MCTP1: variants seen among roughly 807,000 people sequenced by gnomAD.
The protein encoded by MCTP1 is multiple C2 and transmembrane domain-containing protein 1.
MCTP1 carries 69 observed loss-of-function variants against 120.6 expected under a neutral mutation model. The ratio of observed to expected loss-of-function variants is 0.57; its 90% CI spans 0.47 to 0.70. The LOEUF (loss-of-function observed/expected upper bound fraction) is 0.70. Ranked by LOEUF, MCTP1 falls within the 30% of genes least tolerant of loss-of-function variation. The pLI is 0.00. For missense variants in MCTP1, 1,203 were observed against 1,248.8 expected, an observed-to-expected ratio of 0.96 and a Z score of 0.55; for synonymous variants, 529 against 493.1, an observed-to-expected ratio of 1.07 and a Z score of -0.96.
chr5:94,931,784 G>A (rs1423291291), intron 6 of MCTP1, 169 bp downstream of exon 6: 1 of 634,054 alleles, frequency 1.6e-6, no homozygotes, highest in Non-Finnish European at 2.8e-6. Flanking sequence ...TGATCGGTGT[G>A]ATTTCTATTT....
At chr5:94,930,209 T>A (rs1282937646) in intron 6 of MCTP1, among the ~76,000 whole-genome samples, 1 of 151,018 alleles carries the variant, frequency 6.6e-6, no homozygotes, top group Non-Finnish European at 1.5e-5. Context: ...TTTACTTAAT[T>A]TATGTTTAAA....
chr5:94,920,914 C>T (rs1358037534), intron 7 of MCTP1, among the ~76,000 whole-genome samples: 3 of 152,028 alleles, frequency 2.0e-5, no homozygotes, highest in Admixed American at 2.0e-4. Flanking sequence ...ATGTACTCTC[C>T]TTTGCCCATT....
intron 20 of MCTP1, among the ~76,000 whole-genome samples, chr5:94,712,094 CAAG>C (rs993136096): frequency 6.6e-6 from 1 of 152,098 alleles, no homozygotes; most frequent in African/African-American, 2.4e-5. Context: ...GCATGAGAGC[CAAG>C]AAGTTAGCAG....
intron 2 of MCTP1, among the ~76,000 whole-genome samples, chr5:95,000,603 G>A (rs760471348): frequency 1.3e-5 from 2 of 152,054 alleles, no homozygotes; most frequent in Non-Finnish European, 2.9e-5. Context: ...AAAGAAAAAA[G>A]TTGATGGAAT....
chr5:94,801,017 A>C (rs1214078456), intron 17 of MCTP1, among the ~76,000 whole-genome samples: 1 of 152,060 alleles, frequency 6.6e-6, no homozygotes, highest in African/African-American at 2.4e-5. Context: ...TGATTATTAA[A>C]ATATATTTTA....
chr5:94,835,755 G>A (rs532251313), intron 17 of MCTP1, among the ~76,000 whole-genome samples: 10 of 152,218 alleles, frequency 6.6e-5, no homozygotes, highest in Non-Finnish European at 1.2e-4. Context: ...CTGTAATCCC[G>A]GCACTTTGGG....
chr5:95,058,268 C>T (rs188168159), intron 1 of MCTP1, among the ~76,000 whole-genome samples: 3 of 152,274 alleles, frequency 2.0e-5, no homozygotes, highest in African/African-American at 7.2e-5. Context: ...AGAAATACTG[C>T]AGAAGAATAC....
intron 8 of MCTP1, among the ~76,000 whole-genome samples, chr5:94,914,068 CT>C (rs1809465328): frequency 6.6e-6 from 1 of 151,978 alleles, no homozygotes; most frequent in Non-Finnish European, 1.5e-5. Flanking sequence ...TGCAAGTCTA[CT>C]AAAAATGGCC....
chr5:95,115,223 G>A (rs1010402238), intron 1 of MCTP1, among the ~76,000 whole-genome samples: 11 of 152,002 alleles, frequency 7.2e-5, no homozygotes, highest in African/African-American at 2.2e-4. Context: ...CCAGACACAA[G>A]CAAACATCCA....
At chr5:94,725,932 G>A (rs1762042024) in intron 19 of MCTP1, among the ~76,000 whole-genome samples, 1 of 152,118 alleles carries the variant, frequency 6.6e-6, no homozygotes, top group Admixed American at 6.6e-5. Context: ...ACTGAAAAAG[G>A]AAATCCTACA....
intron 17 of MCTP1, among the ~76,000 whole-genome samples, chr5:94,849,256 A>G (rs912818116): frequency 6.6e-6 from 1 of 152,182 alleles, no homozygotes; most frequent in Non-Finnish European, 1.5e-5. Flanking sequence ...GTAACATATG[A>G]TTATAATAAA....
chr5:95,138,140 CA>C (rs1759585017), intron 1 of MCTP1, among the ~76,000 whole-genome samples: 1 of 151,914 alleles, frequency 6.6e-6, no homozygotes, highest in Non-Finnish European at 1.5e-5. Flanking sequence ...GCTCTTTTCT[CA>C]TTCTCCCAGG....
At chr5:94,880,357 A>G (rs897535481) in intron 12 of MCTP1, among the ~76,000 whole-genome samples, 3 of 152,168 alleles carry the variant, frequency 2.0e-5, no homozygotes, top group African/African-American at 7.2e-5. Context: ...GAGGCTTCAG[A>G]TAAGCTTTCC....
At position 95,284,840 on chromosome 5, in the gene MCTP1, G is replaced by A. The variant is rs1167437019; in HGVS notation, c.-265C>T. Among the ~76,000 whole-genome samples the A allele has an allele frequency of 6.6e-6, 1 of 152,060 alleles. No homozygotes were observed. Among genetic ancestry groups the A allele is most frequent in the Non-Finnish European group, 1.5e-5 (1 of 67,988 alleles). On this transcript the variant is annotated 5_prime_UTR_variant, in exon 1 of 23. It adds an upstream start codon to the 5' untranslated region. Transcript: ENST00000515393. This position sits in a 1 kb window ranked among gnomAD's most constrained non-coding sequence, Gnocchi z 5.2. The stretch of plus-strand genomic sequence containing the variant: ...GCACCTGCTGGGGTGGGCTGGAGCC[G>A]TAACCGAATCCCGGCCGCGGCGCCT...
At chr5:94,905,826 T>C (rs530062272) in intron 10 of MCTP1, among the ~76,000 whole-genome samples, 4 of 152,262 alleles carry the variant, frequency 2.6e-5, no homozygotes, top group South Asian at 4.1e-4. Flanking sequence ...AGCTGGACTC[T>C]TGTGAATCAA....
chr5:95,102,716 T>C (rs1756830576), intron 1 of MCTP1, among the ~76,000 whole-genome samples: 1 of 152,158 alleles, frequency 6.6e-6, no homozygotes, highest in Non-Finnish European at 1.5e-5. Flanking sequence ...TTCAGAATAG[T>C]GTGAGGGATA....
intron 1 of MCTP1, among the ~76,000 whole-genome samples, chr5:95,269,604 T>C (rs142106027): frequency 6.6e-6 from 1 of 152,202 alleles, no homozygotes; most frequent in Non-Finnish European, 1.5e-5. Context: ...AGGCTGGTGA[T>C]AAGGGACAGT....
At chr5:94,917,860 C>A (rs1266644817) in intron 8 of MCTP1, 36 bp downstream of exon 8, 6 of 1,571,320 alleles carry the variant, frequency 3.8e-6, no homozygotes, top group Non-Finnish European at 5.3e-6. Context: ...CATGCAAGCT[C>A]AGAAAAAAAT....
intron 1 of MCTP1, among the ~76,000 whole-genome samples, chr5:95,214,856 G>T (rs1192184365): frequency 2.3e-5 from 3 of 132,138 alleles, no homozygotes; most frequent in African/African-American, 5.7e-5. Flanking sequence ...CACACACCGG[G>T]GACTGTTGTG....
Sources: allele counts gnomAD v4.1 joint callset (sites outside exome capture counted in the v4.1 genomes callset), GRCh38; gene constraint gnomAD v4.1.1; non-coding constraint Gnocchi (gnomAD v3.1); transcripts MANE v1.5; gene names NCBI Gene and HGNC (gene_info 2026-07-23, HGNC 2026-07-21).